The following ACIN1 variants were observed in gnomAD, a reference collection of about 807,000 sequenced individuals.
The protein encoded by ACIN1 is apoptotic chromatin condensation inducer 1.
ACIN1 carries 16 observed loss-of-function variants against 146.6 expected under a neutral mutation model. The observed-to-expected ratio is 0.11, with a 90% CI of 0.07 to 0.17. ACIN1 has a LOEUF of 0.17. Among genes scored for constraint, ACIN1 ranks in the 10% least tolerant of loss-of-function variants. The probability of loss-of-function intolerance (pLI) is 1.00; values close to 1 mark genes in which losing one functional copy is unlikely to be tolerated. For synonymous variants in ACIN1, 569 were observed against 582.7 expected, an observed-to-expected ratio of 0.98 and a Z score of 0.34; for missense variants, 1,357 against 1,609.3, an observed-to-expected ratio of 0.84 and a Z score of 2.68.
At position 23,061,593 on chromosome 14, in the gene ACIN1, G is replaced by A; in HGVS notation, c.3129C>T (p.Asp1043=). Residue 1043 remains aspartate (D), a synonymous_variant, in exon 17 of 19, where the codon GAC becomes GAT. Coordinates refer to ENST00000605057, the MANE Select transcript of ACIN1 (RefSeq NM_001386863.1). ...ELDYHRGLLV[D]RPSETKTEEQ... ...CCTCTGTCTTAGTTTCAGAGGGACG[G>A]TCCACCAAGAGGCCTCGGTGATAAT... The A allele has an allele frequency of 6.5e-7, 1 of 1,549,660 alleles. No individual in the cohort carries two copies. The highest frequency in any genetic ancestry group is 8.7e-7 in the Non-Finnish European group (1 of 1,147,472).
rs987080151 is a variant in ACIN1, at chr14:23,079,599, G to T, written c.1736C>A (p.Ser579Tyr). 1.9e-6 allele frequency: 3 copies of T among 1,614,038 alleles called. No individual in the cohort carries two copies. In the African/African-American group the frequency reaches 4.0e-5, roughly 22 times the overall value. Reference protein sequence around the residue: ...PKMGSRSTSESRSRSRSRSRS... With the variant: ...PKMGSRSTSEYRSRSRSRSRS... ...AGAACGTGAACGTGACCTTGATCTG[G>T]ACTCTGATGTTGATCTGGAGCCCAT... The change falls in exon 6 of 19, where the codon TCC becomes TAC. Residue 579 changes from serine to tyrosine, a missense_variant. Physicochemically the swap from Ser to Tyr is moderately radical, Grantham distance 144 (BLOSUM62 -2). Around this residue, in one of 4 missense-constraint regions of ACIN1, gnomAD observed 771 missense variants for 746.6 expected, o/e 1.03. Transcript: ENST00000605057.
intron 4 of ACIN1, among the ~76,000 whole-genome samples, chr14:23,083,648 G>A (rs2048008685): frequency 1.3e-5 from 2 of 152,238 alleles, no homozygotes; most frequent in South Asian, 4.1e-4. Context: ...AGAATGGCGT[G>A]AACCTGGGAG....
In ACIN1 at chr14:23,074,670, C is replaced by T. The variant is rs78030524; in HGVS notation, c.2123+3481G>A. ...ACCTTGTTAACCATGTGTCAGAGCC[C>T]AACATAGCTTAACAGTCTGTGAAAC... On this transcript the variant is annotated intron_variant, in intron 8 of 18. Transcript: ENST00000605057. 3.3e-5 allele frequency among the ~76,000 whole-genome samples: 5 copies of T among 152,220 alleles called. No individual in the cohort carries two copies. In the East Asian group the frequency reaches 9.7e-4, roughly 29 times the overall value.
Position 23,062,826 on chromosome 14 carries a change from T to G in ACIN1, c.2883+103A>C. 2.3e-6 allele frequency: 3 copies of G among 1,303,438 alleles called. No homozygotes were observed. The East Asian group carries it at 7.0e-5, about 30-fold the overall frequency. 80.7% of individuals were successfully genotyped at this position (1,303,438 alleles called of 1,614,324 possible). A position where few individuals can be genotyped will look rare whatever the true frequency, so the allele number is the denominator to read the frequency against. On this transcript the variant is annotated intron_variant, in intron 14 of 18. Coordinates refer to ENST00000605057, the MANE Select transcript of ACIN1 (RefSeq NM_001386863.1). ...CTCAAGATCAGTGAGTAACTTAATC[T>G]ATTGGTAGACCAGTTCAACTATGAG...
chr14:23,061,861 C>A (rs2047296253), intron 16 of ACIN1, among the ~76,000 whole-genome samples: 1 of 150,942 alleles, frequency 6.6e-6, no homozygotes, highest in East Asian at 2.0e-4. Context: ...GTAGTCCCAG[C>A]TATTCGGGAG....
chr14:23,067,987 G>C lies in ACIN1; in HGVS notation c.2265+1489C>G. 6.1e-6 allele frequency: 6 copies of C among 985,880 alleles called. No homozygotes were observed. The highest frequency in any genetic ancestry group is 7.2e-6 in the Non-Finnish European group (6 of 829,962). The allele number at this position is 985,880 out of a possible 1,614,324, so 61.1% of individuals were successfully genotyped here. On this transcript the variant is annotated intron_variant, in intron 9 of 18. Coordinates refer to ENST00000605057, the MANE Select transcript of ACIN1 (RefSeq NM_001386863.1). This position sits in a 1 kb window ranked among gnomAD's most constrained non-coding sequence, Gnocchi z 4.6. ...CCAGCTGAGACAGTGGTTCCAGTCAGGTGGATGAAATGAGTCCCTGCCTCC... is the reference window on the plus strand; with the variant it reads ...CCAGCTGAGACAGTGGTTCCAGTCACGTGGATGAAATGAGTCCCTGCCTCC...
In ACIN1 at chr14:23,059,028, T is replaced by C. The variant is rs532517565; in HGVS notation, c.*120A>G. ...GCCACTTTTCCATTTGGTATGTATG[T>C]AGGGATAGGTGATGTGAAAGACCCT... On this transcript the variant is annotated 3_prime_UTR_variant, in exon 19 of 19. Transcript: ENST00000605057. 5.5e-6 allele frequency: 5 copies of C among 907,860 alleles called. No homozygotes were observed. The Admixed American group carries it at 6.5e-5, about 12-fold the overall frequency. 56.2% of individuals were successfully genotyped at this position (907,860 alleles called of 1,614,324 possible). A position where few individuals can be genotyped will look rare whatever the true frequency, so the allele number is the denominator to read the frequency against.
At chr14:23,095,564 G>T, upstream of ACIN1, 2 of 457,690 alleles carry the variant, frequency 4.4e-6, no homozygotes, top group Admixed American at 4.0e-5. Context: ...TGCCGCAGTA[G>T]TTGGAGTCTA....
chr14:23,062,595 C>A (rs759726887), intron 14 of ACIN1, 72 bp from the exon 15 acceptor site: 110 of 1,398,854 alleles, frequency 7.9e-5, no homozygotes, highest in Non-Finnish European at 1.0e-4. Flanking sequence ...ATTTCCCGAG[C>A]TGCTGTCACA....
chr14:23,083,805 G>A (rs1380230380), intron 4 of ACIN1, among the ~76,000 whole-genome samples: 2 of 152,188 alleles, frequency 1.3e-5, no homozygotes, highest in African/African-American at 2.4e-5. Flanking sequence ...ATAGCAGGAA[G>A]ATAATTATAT....
intron 8 of ACIN1, among the ~76,000 whole-genome samples, chr14:23,074,913 C>A (rs747613999): frequency 6.6e-6 from 1 of 152,036 alleles, no homozygotes; most frequent in Non-Finnish European, 1.5e-5. Context: ...GAAAAACTGA[C>A]GTGAAAATTT....
At chr14:23,095,445 A>C (rs942322985), upstream of ACIN1, 59 of 1,063,704 alleles carry the variant, frequency 5.5e-5, no homozygotes, top group Middle Eastern at 6.8e-4. Flanking sequence ...TTATTTCCGG[A>C]CCTAGAGATG....
rs533923711 is a variant in ACIN1, at chr14:23,079,367, T to C, written c.1788+180A>G. ...GGACTCAAAATGAAAAAGAACCCCA[T>C]TTCGGGAATCAGTTAATTGAAAATA... On this transcript the variant is annotated intron_variant, in intron 6 of 18. Coordinates refer to ENST00000605057, the MANE Select transcript of ACIN1 (RefSeq NM_001386863.1). 2.6e-5 allele frequency among the ~76,000 whole-genome samples: 4 copies of C among 152,296 alleles called. No individual in the cohort carries two copies. In the East Asian group the frequency reaches 7.7e-4, roughly 29 times the overall value.
rs1005792407 is a variant in ACIN1, at chr14:23,078,266, C to T, written c.2008G>A (p.Gly670Arg). The change falls in exon 8 of 19, where the codon GGG becomes AGG. Residue 670 changes from glycine (G) to arginine (R), a missense_variant and splice_region_variant. Gly to Arg is a moderately radical substitution (Grantham distance 125). This residue lies in a region of ACIN1 where 771 missense variants were observed against 746.6 expected (regional missense o/e 1.03). Transcript: ENST00000605057. Reference sequence around the variant, plus strand: ...TCAGCTTCACACTTCTTTGGGCTCCCCTGTCAGGAGATAGCAAAAACGAAC... The same window carrying T: ...TCAGCTTCACACTTCTTTGGGCTCCTCTGTCAGGAGATAGCAAAAACGAAC... Reference protein sequence around the residue: ...HVTQRLQPERGSPKKCEAEEA... With the variant: ...HVTQRLQPERRSPKKCEAEEA... 1 of 1,613,904 alleles carries T rather than the reference C, an allele frequency of 6.2e-7. No individual in the cohort carries two copies.
intron 2 of ACIN1, among the ~76,000 whole-genome samples, chr14:23,092,567 C>T (rs1199695836): frequency 6.6e-6 from 1 of 152,176 alleles, no homozygotes; most frequent in Non-Finnish European, 1.5e-5. Context: ...CTCTTGTTTT[C>T]CACAGTATCC....
At chr14:23,083,114 C>G (rs1257010950) in intron 4 of ACIN1, among the ~76,000 whole-genome samples, 1 of 151,700 alleles carries the variant, frequency 6.6e-6, no homozygotes, top group African/African-American at 2.4e-5. Context: ...TCTAGGTTAT[C>G]CTGAACAATA....
At chr14:23,059,668 T>C (rs1360243969) in intron 18 of ACIN1, among the ~76,000 whole-genome samples, 194 bp from the exon 19 acceptor site, 3 of 138,358 alleles carry the variant, frequency 2.2e-5, no homozygotes, top group Admixed American at 7.0e-5. Flanking sequence ...TTTTTTTTTT[T>C]CTGAGACGGA....
chr14:23,065,911 A>T (rs1186799596), intron 10 of ACIN1, 55 bp downstream of exon 10: 45 of 1,526,888 alleles, frequency 2.9e-5, no homozygotes, highest in Non-Finnish European at 9.1e-7. Flanking sequence ...TTCTCAATGA[A>T]TGCTGGTTTT....
rs11555803 is a variant in ACIN1, at chr14:23,080,739, C to T, written c.596G>A (p.Arg199Lys). Residue 199 changes from arginine to lysine, a missense_variant, in exon 6 of 19, where the codon AGA (arginine) becomes AAA (lysine). By Grantham distance (26) the Arg-to-Lys change is conservative (BLOSUM62 2). Transcript: ENST00000605057. Reference sequence around the variant, plus strand: ...TCGATCTGCTCTGACCCTTAGGTTTCTGGAAGGTGTTTCTTGATCCTCTTC... The same window carrying T: ...TCGATCTGCTCTGACCCTTAGGTTTTTGGAAGGTGTTTCTTGATCCTCTTC... ...EEEEDQETPSRNLRVRADRNL... is the reference protein window; with the variant it reads ...EEEEDQETPSKNLRVRADRNL... 6,994 of 1,613,870 alleles carry T rather than the reference C, an allele frequency of 4.3e-3. 259 individuals are homozygous for T. In the African/African-American group the frequency reaches 0.079, roughly 18 times the overall value.
Sources: gnomAD v4.1 joint callset for allele counts (sites outside exome capture counted in the v4.1 genomes callset) on GRCh38, gnomAD v4.1.1 for gene constraint, gnomAD v4.1.1 regional missense constraint, Gnocchi (gnomAD v3.1) non-coding constraint, MANE v1.5 for transcripts, NCBI Gene and HGNC (gene_info 2026-07-23, HGNC 2026-07-21) for gene names.